The following CRLF3 variants were observed in gnomAD, a reference collection of about 807,000 sequenced individuals.
CRLF3 encodes cytokine receptor-like factor 3.
Under a neutral mutation model 55.0 loss-of-function variants are expected in CRLF3, and 33 were observed. The observed-to-expected ratio is 0.60, with a 90% CI of 0.46 to 0.80. The LOEUF is 0.80. Ranked by LOEUF, CRLF3 falls within the 30% of genes least tolerant of loss-of-function variation. The pLI, the probability that CRLF3 is intolerant of heterozygous loss-of-function variation, is 0.00. For missense variants in CRLF3, 494 were observed against 538.4 expected (o/e 0.92, Z 0.82); for synonymous variants, 238 against 196.8 (o/e 1.21, Z -1.75).
At position 30,803,926 on chromosome 17, in the gene CRLF3, G is replaced by C. The variant is rs1229609181; in HGVS notation, c.312C>G (p.Asn104Lys). The change falls in exon 2 of 8, where the codon AAC becomes AAG. Residue 104 changes from asparagine to lysine, a missense_variant. By Grantham distance (94) the Asn-to-Lys change is moderately conservative (BLOSUM62 0). Coordinates refer to ENST00000324238, the MANE Select transcript of CRLF3 (RefSeq NM_015986.4). The part of the protein sequence containing the change: ...DCQKLIEHGV[N>K]TAEDLVREGE... ...CTTCTCGGACTAAGTCCTCTGCAGT[G>C]TTGACTCCGTGTTCTATGAGCTTCT... 6.2e-7 allele frequency: 1 copy of C among 1,612,096 alleles called. No homozygotes were observed. The highest frequency in any genetic ancestry group is 1.1e-5 in the South Asian group (1 of 91,002).
intron 2 of CRLF3, 99 bp from the exon 3 acceptor site, chr17:30,797,497 TA>T (rs34513490): frequency 0.14 from 118,511 of 876,642 alleles, 8,936 homozygotes; most frequent in South Asian, 0.25. Flanking sequence ...TTCTTGCAAA[TA>T]AGTTCTTAAG....
chr17:30,795,270 C>T lies in CRLF3; in HGVS notation c.603+890G>A, dbSNP rs982669116. On this transcript the variant is annotated intron_variant, in intron 4 of 7. Transcript: ENST00000324238. ...CCGAGGTGGGCAGATCACCTGAGGT[C>T]GGGAGTTTGAGACCAACCTGACCAA... Among the ~76,000 whole-genome samples, 6 of 151,192 alleles carry T rather than the reference C, an allele frequency of 4.0e-5. No individual in the cohort carries two copies. The East Asian group carries it at 5.8e-4, about 15-fold the overall frequency.
At chr17:30,823,032 T>C (rs1371884824) in intron 1 of CRLF3, among the ~76,000 whole-genome samples, 3 of 152,050 alleles carry the variant, frequency 2.0e-5, no homozygotes, top group African/African-American at 7.2e-5. Context: ...AAAATGCAAA[T>C]GATGTCTGGC....
chr17:30,808,209 G>GC (rs1223476691), intron 1 of CRLF3, among the ~76,000 whole-genome samples: 2 of 150,888 alleles, frequency 1.3e-5, no homozygotes, highest in Non-Finnish European at 2.9e-5. Context: ...AGAATCTCAG[G>GC]CCCCACCCAG....
rs561112215 is a variant in CRLF3 at position 30,797,940 on chromosome 17, ATTTTTTT to A, written c.338-549_338-543del. On this transcript the variant is annotated intron_variant, in intron 2 of 7. Coordinates refer to ENST00000324238, the MANE Select transcript of CRLF3 (RefSeq NM_015986.4). ...CACGTGCACGCCACCATGCCCAGCT[ATTTTTTT>A]TTTTTTTTTTTTGGTAGAGATGAGG... Among the ~76,000 whole-genome samples the A allele has an allele frequency of 7.2e-5, 9 of 125,194 alleles. No individual in the cohort carries two copies. The East Asian group carries it at 2.1e-3, about 30-fold the overall frequency. 82.1% of individuals were successfully genotyped at this position (125,194 alleles called of 152,430 possible).
At chr17:30,789,060 G>A (rs1322101188) in intron 6 of CRLF3, among the ~76,000 whole-genome samples, 1 of 152,030 alleles carries the variant, frequency 6.6e-6, no homozygotes, top group Admixed American at 6.6e-5. Flanking sequence ...CACATCTCTG[G>A]CTTCACTGCT....
chr17:30,808,850 C>T (rs527446452), intron 1 of CRLF3, among the ~76,000 whole-genome samples: 42 of 152,200 alleles, frequency 2.8e-4, no homozygotes, highest in Non-Finnish European at 5.0e-4. Flanking sequence ...GCCTCAGCCT[C>T]CCAAGGTGCT....
chr17:30,814,498 T>C (rs868713949), intron 1 of CRLF3, among the ~76,000 whole-genome samples: 6 of 150,340 alleles, frequency 4.0e-5, no homozygotes, highest in African/African-American at 7.4e-5. Context: ...CTACTAAAAA[T>C]ACAAAAAAAT....
chr17:30,803,174 A>AAAT (rs1555549205), intron 2 of CRLF3, among the ~76,000 whole-genome samples: 42 of 149,814 alleles, frequency 2.8e-4, no homozygotes, highest in African/African-American at 7.6e-4. Context: ...TCAAAAAAAA[A>AAAT]ATATATATAT....
At chr17:30,817,557 G>A (rs1056787220) in intron 1 of CRLF3, among the ~76,000 whole-genome samples, 3 of 152,056 alleles carry the variant, frequency 2.0e-5, no homozygotes, top group Admixed American at 2.0e-4. Flanking sequence ...ATACAAAGTT[G>A]CATATACAGT....
intron 1 of CRLF3, among the ~76,000 whole-genome samples, chr17:30,818,609 A>C (rs1904885376): frequency 6.6e-6 from 1 of 150,758 alleles, no homozygotes; most frequent in South Asian, 2.1e-4. Context: ...GCCCACCACC[A>C]CACCCGGCTA....
intron 6 of CRLF3, chr17:30,786,293 G>A (rs1971645269): frequency 3.6e-6 from 1 of 278,486 alleles, no homozygotes; most frequent in East Asian, 8.1e-5. Context: ...AGGCTGAAGT[G>A]CGGTGGTGCG....
intron 2 of CRLF3, among the ~76,000 whole-genome samples, chr17:30,798,412 G>A (rs1232787077): frequency 1.3e-5 from 2 of 151,662 alleles, no homozygotes; most frequent in African/African-American, 4.8e-5. Context: ...AGAGGCATAT[G>A]ATATGAAAAT....
In CRLF3 at chr17:30,792,457, C is replaced by T; in HGVS notation, c.942G>A (p.Gly314=). 1 of 1,610,990 alleles carries T rather than the reference C, an allele frequency of 6.2e-7. No individual in the cohort carries two copies. Among genetic ancestry groups the T allele is most frequent in the East Asian group, 2.2e-5 (1 of 44,812 alleles). ...CTACTTGCCTGAATGTTAATGTCTG[C>T]CCACAGAAATAAGTCGGAGCTCTGG... is the stretch of plus-strand genomic sequence containing the variant. The part of the protein sequence containing the change: ...LYSRAPTYFC[G]QTLTFRVETV... Residue 314 remains glycine (G), a synonymous_variant, in exon 6 of 8, where the codon GGG becomes GGA. Coordinates refer to ENST00000324238, the MANE Select transcript of CRLF3 (RefSeq NM_015986.4).
intron 1 of CRLF3, among the ~76,000 whole-genome samples, chr17:30,815,610 C>G (rs1904774751): frequency 6.9e-6 from 1 of 145,386 alleles, no homozygotes; most frequent in East Asian, 2.1e-4. Flanking sequence ...GTGGCGCAAT[C>G]TCGGCTCACT....
intron 6 of CRLF3, 42 bp downstream of exon 6, chr17:30,792,398 T>G (rs1001487891): frequency 1.9e-6 from 3 of 1,579,152 alleles, no homozygotes; most frequent in Admixed American, 1.7e-5. Flanking sequence ...TGCACTTCAC[T>G]CTGCTTCCTG....
Position 30,810,544 on chromosome 17 carries a change from A to G in CRLF3, c.130-6436T>C, listed in dbSNP as rs192012145. Reference sequence around the variant, plus strand: ...GCCATCGCACTCCAGCCTGGGCAATAGAGCAAGACTCCACCTCAAAAAAAA... The same window carrying G: ...GCCATCGCACTCCAGCCTGGGCAATGGAGCAAGACTCCACCTCAAAAAAAA... On this transcript the variant is annotated intron_variant, in intron 1 of 7. Transcript: ENST00000324238. 4.6e-5 allele frequency among the ~76,000 whole-genome samples: 7 copies of G among 152,336 alleles called. No homozygotes were observed. In the East Asian group the frequency reaches 1.3e-3, roughly 29 times the overall value.
At chr17:30,814,357 A>G (rs1293482171) in intron 1 of CRLF3, among the ~76,000 whole-genome samples, 2 of 152,184 alleles carry the variant, frequency 1.3e-5, no homozygotes, top group African/African-American at 4.8e-5. Context: ...ATTTATAGCA[A>G]TAAGAATAGT....
chr17:30,805,133 A>G (rs1179333983), intron 1 of CRLF3, among the ~76,000 whole-genome samples: 1 of 152,066 alleles, frequency 6.6e-6, no homozygotes, highest in East Asian at 1.9e-4. Flanking sequence ...CAGGGATCCA[A>G]GATTGCGCCA....
Sources: allele counts gnomAD v4.1 joint callset (sites outside exome capture counted in the v4.1 genomes callset), GRCh38; gene constraint gnomAD v4.1.1; transcripts MANE v1.5; gene names NCBI Gene and HGNC (gene_info 2026-07-23, HGNC 2026-07-21).